ATM: variants seen among roughly 807,000 people sequenced by gnomAD.
ATM encodes serine-protein kinase ATM.
ATM carries 308 observed loss-of-function variants against 387.0 expected under a neutral mutation model. The observed-to-expected ratio is 0.80, with a 90% CI of 0.73 to 0.87. ATM has a LOEUF of 0.87. Among genes scored for constraint, ATM ranks in the 40% least tolerant of loss-of-function variants. The probability of loss-of-function intolerance (pLI) is 0.00; values close to 1 mark genes in which losing one functional copy is unlikely to be tolerated. For synonymous variants in ATM, 1,156 were observed against 1,187.3 expected, an observed-to-expected ratio of 0.97 and a Z score of 0.54; for missense variants, 3,312 against 3,560.9, an observed-to-expected ratio of 0.93 and a Z score of 1.78.
chr11:108,335,788 T>C, intron 55 of ATM, 57 bp from the exon 56 acceptor site: 1 of 1,408,236 alleles, frequency 7.1e-7, no homozygotes, highest in South Asian at 1.2e-5. Flanking sequence ...CAGATGACTC[T>C]GTGTTTTTAT....
rs1486032156 is a variant in ATM at position 108,329,007 on chromosome 11, G to A, written c.7090-14G>A. 3 of 1,605,780 alleles carry A rather than the reference G, an allele frequency of 1.9e-6. No individual in the cohort carries two copies. Among genetic ancestry groups the A allele is most frequent in the Non-Finnish European group, 1.7e-6 (2 of 1,172,534 alleles). ...TTTGTAAATATAATTTAAATTGGTT[G>A]TGTTTTCTTGAAGGCAGTAGAAGTT... On this transcript the variant is annotated splice_polypyrimidine_tract_variant and intron_variant, in intron 48 of 62. Coordinates refer to ENST00000675843, the MANE Select transcript of ATM (RefSeq NM_000051.4).
chr11:108,300,878 CTTTTTTTTT>C (rs11305754), intron 34 of ATM, among the ~76,000 whole-genome samples: 2 of 102,676 alleles, frequency 1.9e-5, no homozygotes, highest in Non-Finnish European at 4.0e-5. Flanking sequence ...TCATCTCTCT[CTTTTTTTTT>C]TTTTTTTTTT....
chr11:108,268,200 T>C (rs1000166148), intron 17 of ATM, among the ~76,000 whole-genome samples: 1 of 152,198 alleles, frequency 6.6e-6, no homozygotes, highest in African/African-American at 2.4e-5. Context: ...CTAAGGGTTT[T>C]TTTTTCTCAT....
At chr11:108,344,833 ATC>A (rs1450424302) in intron 57 of ATM, among the ~76,000 whole-genome samples, 1 of 152,032 alleles carries the variant, frequency 6.6e-6, no homozygotes, top group Non-Finnish European at 1.5e-5. Flanking sequence ...GTGAGACCAC[ATC>A]TCTACAAAAA....
At position 108,312,561 on chromosome 11, in the gene ATM, A is replaced by G. The variant is rs1421806703; in HGVS notation, c.6006+63A>G. On this transcript the variant is annotated intron_variant, in intron 40 of 62. Transcript: ENST00000675843. The stretch of plus-strand genomic sequence containing the variant: ...ATCTCATACTTTGGGTTATTTTGTT[A>G]TAGACACTGTACAGATGCCATGTGA... 20 of 1,194,788 alleles carry G rather than the reference A, an allele frequency of 1.7e-5. No homozygotes were observed. In the Admixed American group the frequency reaches 3.4e-4, roughly 20 times the overall value. 74.0% of individuals were successfully genotyped at this position (1,194,788 alleles called of 1,614,324 possible). A position where few individuals can be genotyped will look rare whatever the true frequency, so the allele number is the denominator to read the frequency against.
Position 108,368,406 on chromosome 11 carries a change from AGTT to A in ATM, c.*2904_*2906del, listed in dbSNP as rs990485308. 12 of 211,732 alleles carry A rather than the reference AGTT, an allele frequency of 5.7e-5. No individual in the cohort carries two copies. Among genetic ancestry groups the A allele is most frequent in the African/African-American group, 2.7e-4 (12 of 44,080 alleles). 13.1% of individuals were successfully genotyped at this position (211,732 alleles called of 1,614,324 possible). A position where few individuals can be genotyped will look rare whatever the true frequency, so the allele number is the denominator to read the frequency against. ...ATTTTGAAAATATTAATCATAGAATAGTTGTTGTATGCTAAGTCACTGACCCAT... is the reference window on the plus strand; with the variant it reads ...ATTTTGAAAATATTAATCATAGAATAGTTGTATGCTAAGTCACTGACCCAT... On this transcript the variant is annotated 3_prime_UTR_variant, in exon 63 of 63. Coordinates refer to ENST00000675843, the MANE Select transcript of ATM (RefSeq NM_000051.4).
chr11:108,276,167 G>A (rs577288495), intron 22 of ATM, among the ~76,000 whole-genome samples: 21 of 152,118 alleles, frequency 1.4e-4, no homozygotes, highest in African/African-American at 3.9e-4. Flanking sequence ...TGATACTTGC[G>A]TATGCTTCAC....
chr11:108,285,854 G>C (rs2082462336), intron 26 of ATM, among the ~76,000 whole-genome samples: 1 of 152,134 alleles, frequency 6.6e-6, no homozygotes, highest in Non-Finnish European at 1.5e-5. Context: ...TTAGTCTTCT[G>C]AGCATTCTTA....
In ATM at chr11:108,289,736, A is replaced by G. The variant is rs765713557; in HGVS notation, c.4371A>G (p.Leu1457=). The G allele has an allele frequency of 1.2e-6, 2 of 1,613,812 alleles. No homozygotes were observed. Among genetic ancestry groups the G allele is most frequent in the Non-Finnish European group, 1.7e-6 (2 of 1,179,988 alleles). Residue 1457 remains leucine, a synonymous_variant, in exon 29 of 63, where the codon TTA becomes TTG. Transcript: ENST00000675843. ...SLLLKDIKSG[L]GGAWAFVLRD... ...TACTGAAAGATATAAAAAGTGGCTT[A>G]GGAGGAGCTTGGGCCTTTGTTCTTC...
At chr11:108,243,781 A>G (rs989587039) in intron 5 of ATM, among the ~76,000 whole-genome samples, 172 bp from the exon 6 acceptor site, 4 of 152,208 alleles carry the variant, frequency 2.6e-5, no homozygotes, top group African/African-American at 7.2e-5. Flanking sequence ...GGCATTTTAT[A>G]TAAGATAAAA....
chr11:108,348,308 T>TA lies in ATM; in HGVS notation c.8671+943_8671+944insA, dbSNP rs572055622. Among the ~76,000 whole-genome samples the TA allele has an allele frequency of 2.5e-3, 376 of 151,798 alleles. 2 individuals are homozygous for TA. Among genetic ancestry groups the TA allele is most frequent in the African/African-American group, 8.7e-3 (359 of 41,474 alleles). ...AGTTTTGTAAATAATAAGAAAGTGA[T>TA]GAATTTAGTTTTGCTCATTATTTTG... On this transcript the variant is annotated intron_variant, in intron 59 of 62. Transcript: ENST00000675843.
chr11:108,363,516 G>C (rs1018641772), intron 61 of ATM, among the ~76,000 whole-genome samples: 5 of 152,160 alleles, frequency 3.3e-5, no homozygotes, highest in African/African-American at 1.2e-4. Flanking sequence ...GGCAATGTCT[G>C]GAGGCATTTT....
intron 4 of ATM, chr11:108,230,732 C>G (rs2078969895): frequency 6.6e-6 from 1 of 152,214 alleles, no homozygotes; most frequent in Non-Finnish European, 1.5e-5. Context: ...GGCTCTTGCT[C>G]TGTAGCCCAG....
At chr11:108,245,155 G>T (rs968646505) in intron 7 of ATM, 129 bp downstream of exon 7, 3 of 793,492 alleles carry the variant, frequency 3.8e-6, no homozygotes, top group Non-Finnish European at 4.1e-6. Context: ...ATGTTACTTA[G>T]CCATGAGAAT....
intron 18 of ATM, 148 bp downstream of exon 18, chr11:108,268,757 C>T (rs185116644): frequency 1.7e-5 from 15 of 889,558 alleles, no homozygotes; most frequent in Admixed American, 1.2e-4. Context: ...TGGAAAATAA[C>T]ACTTTTAACG....
chr11:108,276,318 T>C (rs2135603422), intron 22 of ATM, among the ~76,000 whole-genome samples: 1 of 152,342 alleles, frequency 6.6e-6, no homozygotes, highest in East Asian at 1.9e-4. Context: ...CTCCTTTAGC[T>C]CAGAGGAGTT....
chr11:108,356,689 C>A (rs556006496), intron 61 of ATM, among the ~76,000 whole-genome samples: 2 of 152,160 alleles, frequency 1.3e-5, no homozygotes, highest in South Asian at 4.1e-4. Context: ...GTACTTGTAT[C>A]CTACCTAACA....
At chr11:108,350,882 T>C (rs1444928521) in intron 59 of ATM, among the ~76,000 whole-genome samples, 5 of 152,208 alleles carry the variant, frequency 3.3e-5, no homozygotes, top group African/African-American at 1.2e-4. Flanking sequence ...TGTTTGGCAT[T>C]ATCCACTAAA....
chr11:108,308,892 A>G (rs2083897270), intron 38 of ATM: 1 of 819,118 alleles, frequency 1.2e-6, no homozygotes, highest in African/African-American at 1.7e-5. Flanking sequence ...GAGGCCTATC[A>G]GAAGCTTTAA....
Sources: allele counts gnomAD v4.1 joint callset (sites outside exome capture counted in the v4.1 genomes callset), GRCh38; gene constraint gnomAD v4.1.1; transcripts MANE v1.5; gene names NCBI Gene and HGNC (gene_info 2026-07-23, HGNC 2026-07-21).